URM1: variants seen among roughly 807,000 people sequenced by gnomAD.
URM1 encodes the protein ubiquitin-related modifier 1.
A neutral mutation model predicts 17.7 loss-of-function variants in URM1; 11 were observed. The ratio of observed to expected loss-of-function variants is 0.62; its 90% confidence interval spans 0.39 to 1.03. URM1 has a LOEUF of 1.03. Ranked by LOEUF, URM1 falls within the 50% of genes least tolerant of loss-of-function variation. URM1 has a pLI of 0.00. For synonymous variants in URM1, 48 were observed against 50.6 expected (o/e 0.95, Z 0.22); for missense variants, 128 against 129.2 (o/e 0.99, Z 0.04).
At chr9:128,372,924 A>G (rs1268458552) in intron 1 of URM1, among the ~76,000 whole-genome samples, 1 of 152,094 alleles carries the variant, frequency 6.6e-6, no homozygotes. Flanking sequence ...AAAAAAAAAA[A>G]AGAAGATTTA....
chr9:128,378,947 C>CAAAA (rs397976946), intron 2 of URM1, among the ~76,000 whole-genome samples: 29 of 86,798 alleles, frequency 3.3e-4, no homozygotes, highest in Middle Eastern at 6.2e-3. Flanking sequence ...ATTCTGTCAC[C>CAAAA]AAAAAAAAAA....
At chr9:128,389,233 T>C in intron 3 of URM1, 28 bp from the exon 4 acceptor site, 1 of 1,578,070 alleles carries the variant, frequency 6.3e-7, no homozygotes, top group South Asian at 1.2e-5. Flanking sequence ...CTCTCACTCC[T>C]TGCTACTCAC....
intron 2 of URM1, among the ~76,000 whole-genome samples, chr9:128,378,408 G>A (rs1050269161): frequency 1.3e-4 from 19 of 151,858 alleles, no homozygotes; most frequent in African/African-American, 3.4e-4. Flanking sequence ...ATGGTGGCGC[G>A]TGCATGTAAT....
At chr9:128,372,539 C>T (rs560254166) in intron 1 of URM1, among the ~76,000 whole-genome samples, 4 of 152,312 alleles carry the variant, frequency 2.6e-5, no homozygotes, top group Non-Finnish European at 4.4e-5. Context: ...CCGTGCCCTA[C>T]AGCGTTCAGC....
intron 2 of URM1, among the ~76,000 whole-genome samples, chr9:128,380,395 T>C (rs1588582277): frequency 6.6e-6 from 1 of 151,312 alleles, no homozygotes; most frequent in Non-Finnish European, 1.5e-5. Context: ...GTGGCTGGGG[T>C]TTCATGTCAG....
chr9:128,371,358 C>G, upstream of URM1: 2 of 1,612,856 alleles, frequency 1.2e-6, no homozygotes, highest in Non-Finnish European at 1.7e-6. Context: ...AGGGGAGTTT[C>G]CTGCGAGCTC....
At chr9:128,374,598 A>C (rs1833053411) in intron 1 of URM1, among the ~76,000 whole-genome samples, 1 of 152,216 alleles carries the variant, frequency 6.6e-6, no homozygotes, top group South Asian at 2.1e-4. Context: ...GCATCAACAA[A>C]GCGTGACCTT....
intron 1 of URM1, among the ~76,000 whole-genome samples, chr9:128,377,686 TATAAAC>T (rs1388336207): frequency 6.6e-6 from 1 of 152,010 alleles, no homozygotes; most frequent in Non-Finnish European, 1.5e-5. Context: ...TAAAATTAAA[TATAAAC>T]ATAAATATTA....
At chr9:128,374,285 C>T (rs1833049621) in intron 1 of URM1, among the ~76,000 whole-genome samples, 1 of 152,202 alleles carries the variant, frequency 6.6e-6, no homozygotes, top group Admixed American at 6.5e-5. Context: ...CTGGTTCTCC[C>T]TTCATCCGCT....
chr9:128,371,553 GGA>G (rs1307625466), intron 1 of URM1, 138 bp downstream of exon 1: 1 of 857,838 alleles, frequency 1.2e-6, no homozygotes, highest in African/African-American at 1.7e-5. Context: ...TACCCGCCTA[GGA>G]GAGTCTGAGA....
intron 1 of URM1, among the ~76,000 whole-genome samples, chr9:128,374,925 G>A (rs1056467172): frequency 6.6e-6 from 1 of 152,186 alleles, no homozygotes; most frequent in Non-Finnish European, 1.5e-5. Context: ...GCCAGGTGCT[G>A]GGACACAGAA....
intron 1 of URM1, 100 bp downstream of exon 1, chr9:128,371,515 G>A (rs1183419332): frequency 1.6e-6 from 2 of 1,249,284 alleles, no homozygotes; most frequent in Non-Finnish European, 2.3e-6. Flanking sequence ...GAATCACTGG[G>A]TGTCCCAGTG....
chr9:128,389,109 C>T, intron 3 of URM1, 152 bp from the exon 4 acceptor site: 1 of 1,447,390 alleles, frequency 6.9e-7, no homozygotes. Flanking sequence ...ACACTCAGAC[C>T]AGCCTCCCCT....
At chr9:128,377,577 C>T (rs970301818) in intron 1 of URM1, among the ~76,000 whole-genome samples, 3 of 151,964 alleles carry the variant, frequency 2.0e-5, no homozygotes, top group East Asian at 1.9e-4. Flanking sequence ...GGCTGAGGCA[C>T]GAGAATCACT....
In URM1 at chr9:128,373,215, C is replaced by T. The variant is rs986218342; in HGVS notation, c.35+1800C>T. On this transcript the variant is annotated intron_variant, in intron 1 of 4. Coordinates refer to ENST00000372853, the MANE Select transcript of URM1 (RefSeq NM_030914.4). ...CCACCCACCTTCTATCACCTCCTGTCACAGCACAGCGTTCCATGAAAATTG... is the reference window on the plus strand; with the variant it reads ...CCACCCACCTTCTATCACCTCCTGTTACAGCACAGCGTTCCATGAAAATTG... Among the ~76,000 whole-genome samples the T allele has an allele frequency of 3.5e-5, 5 of 143,980 alleles. No homozygotes were observed. The Admixed American group carries it at 3.5e-4, about 10-fold the overall frequency. 94.5% of individuals were successfully genotyped at this position (143,980 alleles called of 152,430 possible).
chr9:128,374,582 A>G (rs1833053350), intron 1 of URM1, among the ~76,000 whole-genome samples: 1 of 152,016 alleles, frequency 6.6e-6, no homozygotes, highest in Non-Finnish European at 1.5e-5. Context: ...CCCCCTCCAC[A>G]TTTCTGCATC....
chr9:128,388,526 A>G (rs1032556233), intron 3 of URM1: 1 of 985,864 alleles, frequency 1.0e-6, no homozygotes, highest in Non-Finnish European at 1.2e-6. Context: ...AGGCTCGCTT[A>G]TTTGCCTCGA....
intron 2 of URM1, among the ~76,000 whole-genome samples, chr9:128,384,556 A>G (rs1434546060): frequency 6.6e-6 from 1 of 152,122 alleles, no homozygotes; most frequent in Non-Finnish European, 1.5e-5. Context: ...TCCCAGCACT[A>G]TCTGATTAAT....
rs777224994 is a variant in URM1 at position 128,389,956 on chromosome 9, C to A, written c.*222C>A. 8.4e-6 allele frequency: 5 copies of A among 597,812 alleles called. No homozygotes were observed. Among genetic ancestry groups the A allele is most frequent in the Non-Finnish European group, 1.4e-5 (5 of 347,958 alleles). The allele number at this position is 597,812 out of a possible 1,614,324, so 37.0% of individuals were successfully genotyped here. A position where few individuals can be genotyped will look rare whatever the true frequency, so the allele number is the denominator to read the frequency against. ...AGACAGGCGCCAGAGCCCAGCACTC[C>A]CTTTTCCAGCAGCTGTGGTGGGGGA... On this transcript the variant is annotated 3_prime_UTR_variant, in exon 5 of 5. Coordinates refer to ENST00000372853, the MANE Select transcript of URM1 (RefSeq NM_030914.4).
Sources: allele counts gnomAD v4.1 joint callset (sites outside exome capture counted in the v4.1 genomes callset), GRCh38; gene constraint gnomAD v4.1.1; transcripts MANE v1.5; gene names NCBI Gene and HGNC (gene_info 2026-07-23, HGNC 2026-07-21).